Variants in DOCK2 observed in about 807,000 individuals in gnomAD.
DOCK2 encodes the protein dedicator of cytokinesis protein 2.
In DOCK2, 87 loss-of-function variants were observed where a neutral mutation model predicts 248.9. The ratio of observed to expected loss-of-function variants is 0.35; its 90% CI spans 0.29 to 0.42. The LOEUF (loss-of-function observed/expected upper bound fraction) is 0.42, where lower values mean the gene tolerates loss of function less well. DOCK2 is among the 10% of genes least tolerant of loss of function. The pLI is 1.00. For synonymous variants in DOCK2, 805 were observed against 821.6 expected (o/e 0.98, Z 0.35); for missense variants, 1,747 against 2,300.2 (o/e 0.76, Z 4.92).
At chr5:169,695,669 C>G (rs1760572739) in intron 9 of DOCK2, 134 bp from the exon 10 acceptor site, 1 of 1,271,330 alleles carries the variant, frequency 7.9e-7, no homozygotes, top group Non-Finnish European at 1.1e-6. Context: ...TTTTCCAGGA[C>G]TTATTGTATG....
At chr5:169,642,907 C>T (rs1757226006) in intron 1 of DOCK2, among the ~76,000 whole-genome samples, 1 of 152,132 alleles carries the variant, frequency 6.6e-6, no homozygotes, top group Admixed American at 6.5e-5. Flanking sequence ...GAAATGTAGT[C>T]ACCATACTGC....
intron 27 of DOCK2, among the ~76,000 whole-genome samples, chr5:169,941,961 A>C (rs1776261739): frequency 6.6e-6 from 1 of 152,228 alleles, no homozygotes; most frequent in Non-Finnish European, 1.5e-5. Flanking sequence ...CACCATTCAG[A>C]AGTAAAACTG....
intron 27 of DOCK2, among the ~76,000 whole-genome samples, chr5:169,931,764 G>A (rs537318365): frequency 1.3e-5 from 2 of 152,268 alleles, no homozygotes; most frequent in East Asian, 1.9e-4. Context: ...CCAGGAGATG[G>A]AAGCACAGCC....
chr5:169,748,954 G>A (rs1457894643), intron 23 of DOCK2, among the ~76,000 whole-genome samples: 1 of 152,198 alleles, frequency 6.6e-6, no homozygotes, highest in Non-Finnish European at 1.5e-5. Flanking sequence ...CTGAAACGAT[G>A]TGCCTAAGGC....
At chr5:169,892,242 A>AC (rs955987457) in intron 27 of DOCK2, among the ~76,000 whole-genome samples, 1 of 151,486 alleles carries the variant, frequency 6.6e-6, no homozygotes, top group South Asian at 2.1e-4. Flanking sequence ...CATGAAGACA[A>AC]CCCCCCTCAT....
chr5:169,758,362 G>A (rs553243829), intron 23 of DOCK2, among the ~76,000 whole-genome samples: 20 of 152,302 alleles, frequency 1.3e-4, no homozygotes, highest in African/African-American at 4.8e-4. Flanking sequence ...TCTCTGGGGA[G>A]GAGAGATTGG....
intron 26 of DOCK2, among the ~76,000 whole-genome samples, chr5:169,830,355 A>G (rs989997077): frequency 5.3e-5 from 8 of 152,226 alleles, no homozygotes; most frequent in Admixed American, 4.6e-4. Context: ...CTTATTTTGT[A>G]TCTTAAAATG....
At chr5:169,991,604 G>T (rs1295099206) in intron 29 of DOCK2, among the ~76,000 whole-genome samples, 1 of 152,252 alleles carries the variant, frequency 6.6e-6, no homozygotes, top group Non-Finnish European at 1.5e-5. Flanking sequence ...GCCCATACAA[G>T]ACTGCTTTGA....
In DOCK2 at chr5:169,918,549, G is replaced by C. The variant is rs1480920437; in HGVS notation, c.2800-64519G>C. Among the ~76,000 whole-genome samples the C allele has an allele frequency of 2.4e-4, 36 of 152,222 alleles. 1 individual carries two copies. The highest frequency in any genetic ancestry group is 2.3e-3 in the Admixed American group (35 of 15,284). On this transcript the variant is annotated intron_variant, in intron 27 of 51. Transcript: ENST00000520908. ...TGTGGTGAAATAGACAAATCTTCTA[G>C]ACATGTCCTGAGGGGAAATAAATAA...
chr5:169,835,636 A>G (rs1769527704), intron 26 of DOCK2, among the ~76,000 whole-genome samples: 1 of 152,218 alleles, frequency 6.6e-6, no homozygotes, highest in African/African-American at 2.4e-5. Context: ...GTACCAAAGC[A>G]TATTATTGGC....
At chr5:169,998,120 C>A in intron 30 of DOCK2, 1 of 449,924 alleles carries the variant, frequency 2.2e-6, no homozygotes, top group Non-Finnish European at 4.5e-6. Context: ...ACTCCACAGT[C>A]ATTATGCAAA....
intron 30 of DOCK2, among the ~76,000 whole-genome samples, chr5:170,008,233 A>G (rs943431648): frequency 1.9e-4 from 28 of 148,028 alleles, no homozygotes; most frequent in African/African-American, 6.8e-4. Flanking sequence ...AACAAAAAAA[A>G]AAAAACCTAA....
At chr5:169,716,368 T>G in intron 20 of DOCK2, 66 bp downstream of exon 20, 1 of 1,520,026 alleles carries the variant, frequency 6.6e-7, no homozygotes. Context: ...GTGAAAATAC[T>G]GAGAACTCAT....
At chr5:169,704,478 G>C (rs183279225) in intron 14 of DOCK2, among the ~76,000 whole-genome samples, 110 of 152,254 alleles carry the variant, frequency 7.2e-4, no homozygotes, top group South Asian at 1.5e-3. Flanking sequence ...AGCTAATGGG[G>C]TGGGCTCTGG....
At chr5:169,693,875 C>T (rs1438715667) in intron 9 of DOCK2, among the ~76,000 whole-genome samples, 2 of 152,194 alleles carry the variant, frequency 1.3e-5, no homozygotes, top group Non-Finnish European at 2.9e-5. Flanking sequence ...CCTGTTTTTG[C>T]TCTTAAGACC....
intron 44 of DOCK2, among the ~76,000 whole-genome samples, chr5:170,067,064 T>G (rs760083182): frequency 1.3e-5 from 2 of 152,192 alleles, no homozygotes; most frequent in Non-Finnish European, 2.9e-5. Flanking sequence ...GAATCTACCT[T>G]GGAACAGTGA....
intron 26 of DOCK2, among the ~76,000 whole-genome samples, chr5:169,827,298 C>CA (rs1768929476): frequency 6.6e-6 from 1 of 152,168 alleles, no homozygotes; most frequent in South Asian, 2.1e-4. Context: ...AGAGGAGCTG[C>CA]AACCTGCTGT....
At chr5:169,958,726 G>T (rs1776962753) in intron 27 of DOCK2, among the ~76,000 whole-genome samples, 1 of 152,282 alleles carries the variant, frequency 6.6e-6, no homozygotes, top group South Asian at 2.1e-4. Context: ...AAAAGCTGGT[G>T]TGCAGCAATG....
chr5:169,924,509 T>C (rs1775335249), intron 27 of DOCK2, among the ~76,000 whole-genome samples: 1 of 152,198 alleles, frequency 6.6e-6, no homozygotes, highest in African/African-American at 2.4e-5. Flanking sequence ...GAATTAGGAA[T>C]CTGAGAATCT....
Sources: gnomAD v4.1 joint callset for allele counts (sites outside exome capture counted in the v4.1 genomes callset) on GRCh38, gnomAD v4.1.1 for gene constraint, MANE v1.5 for transcripts, NCBI Gene and HGNC (gene_info 2026-07-23, HGNC 2026-07-21) for gene names.